VTI1A: variants seen among roughly 807,000 people sequenced by gnomAD.
VTI1A encodes the protein vesicle transport through interaction with t-SNAREs 1A.
VTI1A carries 22 observed loss-of-function variants against 34.9 expected under a neutral mutation model. The observed-to-expected ratio is 0.63, with a 90% CI of 0.45 to 0.90. The LOEUF (loss-of-function observed/expected upper bound fraction) is 0.90. Ranked by LOEUF, VTI1A falls within the 40% of genes least tolerant of loss-of-function variation. The pLI, the probability that VTI1A is intolerant of heterozygous loss-of-function variation, is 0.00. For missense variants in VTI1A, 268 were observed against 275.6 expected, an observed-to-expected ratio of 0.97 and a Z score of 0.20; for synonymous variants, 87 against 97.3, an observed-to-expected ratio of 0.89 and a Z score of 0.62.
chr10:112,464,534 T>C lies in VTI1A; in HGVS notation c.154-13T>C. 1 of 1,604,300 alleles carries C rather than the reference T, an allele frequency of 6.2e-7. No homozygotes were observed. The stretch of plus-strand genomic sequence containing the variant: ...AGTGTGTTTTAAATCACATTTTTCT[T>C]TCCCTCTTCTAGCTTGAACAGATGG... On this transcript the variant is annotated splice_polypyrimidine_tract_variant and intron_variant, in intron 2 of 7. Transcript: ENST00000393077.
chr10:112,582,207 GAGA>G (rs1843974060), intron 5 of VTI1A, among the ~76,000 whole-genome samples: 2 of 152,268 alleles, frequency 1.3e-5, no homozygotes, highest in African/African-American at 2.4e-5. Flanking sequence ...TAGAAAGAGA[GAGA>G]AGGACACTCT....
chr10:112,755,260 A>G (rs373858336), intron 7 of VTI1A, among the ~76,000 whole-genome samples: 80 of 151,594 alleles, frequency 5.3e-4, no homozygotes, highest in African/African-American at 1.7e-3. Flanking sequence ...TCTCAAAAAA[A>G]AAAGAAAGAA....
intron 5 of VTI1A, among the ~76,000 whole-genome samples, chr10:112,615,611 A>G (rs930257370): frequency 6.6e-6 from 1 of 152,204 alleles, no homozygotes; most frequent in Non-Finnish European, 1.5e-5. Context: ...ATTTTAAGCC[A>G]TATTAATTGG....
At chr10:112,501,634 T>A (rs1204520923) in intron 3 of VTI1A, among the ~76,000 whole-genome samples, 1 of 151,970 alleles carries the variant, frequency 6.6e-6, no homozygotes, top group Non-Finnish European at 1.5e-5. Context: ...GTAAAAACCT[T>A]TTTGCTACTC....
chr10:112,670,830 T>G (rs1847820426), intron 7 of VTI1A, among the ~76,000 whole-genome samples: 1 of 152,150 alleles, frequency 6.6e-6, no homozygotes, highest in Non-Finnish European at 1.5e-5. Flanking sequence ...AAATAAAAAT[T>G]CCCAGATGGA....
At position 112,649,752 on chromosome 10, in the gene VTI1A, C is replaced by T. The variant is rs144386231; in HGVS notation, c.428-18466C>T. Among the ~76,000 whole-genome samples the T allele has an allele frequency of 4.6e-3, 703 of 152,290 alleles. 6 individuals carry two copies. Among genetic ancestry groups the T allele is most frequent in the African/African-American group, 0.016 (675 of 41,564 alleles). ...CAGCACACCTAATGTAATGGTCTAG[C>T]TTATTGCTCCTAGGCTGCAAACCTG... On this transcript the variant is annotated intron_variant, in intron 5 of 7. Transcript: ENST00000393077.
At chr10:112,628,415 AC>A (rs1227523821) in intron 5 of VTI1A, among the ~76,000 whole-genome samples, 8 of 152,202 alleles carry the variant, frequency 5.3e-5, no homozygotes, top group African/African-American at 1.9e-4. Context: ...GAATAAAGGA[AC>A]CAGGACCTTG....
rs1481634512 is a variant in VTI1A at position 112,781,666 on chromosome 10, C to A, written c.561-33624C>A. ...GACCAGCCTGGCCAACATGGTGAAA[C>A]CCCGCCTCTACTAAAAAAACAAAAA... On this transcript the variant is annotated intron_variant, in intron 7 of 7. Transcript: ENST00000393077. Among the ~76,000 whole-genome samples the A allele has an allele frequency of 3.9e-5, 6 of 152,042 alleles. No individual in the cohort carries two copies. The East Asian group carries it at 9.8e-4, about 25-fold the overall frequency.
At chr10:112,830,324 C>T in the VTI1A span, among the ~76,000 whole-genome samples, 1 of 151,730 alleles carries the variant, frequency 6.6e-6, no homozygotes, top group Admixed American at 6.6e-5. Context: ...CCTCCTGTCT[C>T]CATTCCACTT....
intron 7 of VTI1A, among the ~76,000 whole-genome samples, chr10:112,802,787 A>G (rs1383403199): frequency 6.6e-6 from 1 of 152,244 alleles, no homozygotes; most frequent in Non-Finnish European, 1.5e-5. Flanking sequence ...AGTAAGAGAA[A>G]GTAATTTCCA....
chr10:112,576,181 C>A (rs1015236671), intron 5 of VTI1A, among the ~76,000 whole-genome samples: 1 of 152,026 alleles, frequency 6.6e-6, no homozygotes, highest in Non-Finnish European at 1.5e-5. Flanking sequence ...CCACCGCGCC[C>A]GGCTAATTTT....
At chr10:112,742,123 T>A (rs1325925370) in intron 7 of VTI1A, among the ~76,000 whole-genome samples, 1 of 152,204 alleles carries the variant, frequency 6.6e-6, no homozygotes, top group African/African-American at 2.4e-5. Context: ...ATGTGGAATT[T>A]CCTGCAGAGT....
At chr10:112,719,359 G>A (rs1371650362) in intron 7 of VTI1A, among the ~76,000 whole-genome samples, 2 of 152,084 alleles carry the variant, frequency 1.3e-5, no homozygotes, top group African/African-American at 4.8e-5. Context: ...AAACATACAT[G>A]TTCCTTGCAC....
intron 7 of VTI1A, among the ~76,000 whole-genome samples, chr10:112,772,974 G>A (rs1390430723): frequency 1.3e-5 from 2 of 152,230 alleles, no homozygotes; most frequent in East Asian, 3.8e-4. Flanking sequence ...GCAAGCCATA[G>A]AGTGTAACTC....
chr10:112,669,129 T>G (rs928589930), intron 7 of VTI1A, 131 bp downstream of exon 7: 1 of 962,260 alleles, frequency 1.0e-6, no homozygotes, highest in Non-Finnish European at 1.6e-6. Flanking sequence ...AGGACCCATT[T>G]GAAATAACAG....
intron 7 of VTI1A, among the ~76,000 whole-genome samples, chr10:112,675,161 A>G (rs1433386688): frequency 5.9e-5 from 9 of 152,182 alleles, no homozygotes; most frequent in Non-Finnish European, 1.2e-4. Context: ...ATAACCAAAA[A>G]AACTGCTACT....
chr10:112,665,224 G>A (rs1373599792), intron 5 of VTI1A, among the ~76,000 whole-genome samples: 1 of 151,500 alleles, frequency 6.6e-6, no homozygotes, highest in Admixed American at 6.6e-5. Context: ...ACCCAAGATA[G>A]TCTATATTTA....
chr10:112,543,096 G>A (rs145198946), intron 5 of VTI1A, among the ~76,000 whole-genome samples: 3 of 152,146 alleles, frequency 2.0e-5, no homozygotes, highest in East Asian at 1.9e-4. Flanking sequence ...ATTTGGGTTC[G>A]TTCCAAGTCT....
intron 5 of VTI1A, among the ~76,000 whole-genome samples, chr10:112,653,599 G>T (rs1435209186): frequency 6.6e-6 from 1 of 152,140 alleles, no homozygotes; most frequent in Non-Finnish European, 1.5e-5. Flanking sequence ...AATAATAATC[G>T]ACTTCATGTG....
Sources: allele counts gnomAD v4.1 joint callset (sites outside exome capture counted in the v4.1 genomes callset), GRCh38; gene constraint gnomAD v4.1.1; transcripts MANE v1.5; gene names NCBI Gene and HGNC (gene_info 2026-07-23, HGNC 2026-07-21).